NKAIN3: variants seen among roughly 807,000 people sequenced by gnomAD.
The protein encoded by NKAIN3 is sodium/potassium transporting ATPase interacting 3.
In NKAIN3, 25 loss-of-function variants were observed where a neutral mutation model predicts 30.2. The ratio of observed to expected loss-of-function variants is 0.83; its 90% CI spans 0.60 to 1.16. The LOEUF (loss-of-function observed/expected upper bound fraction) is 1.16, where lower values mean the gene tolerates loss of function less well. Among genes scored for constraint, NKAIN3 ranks in the 50% most tolerant of loss-of-function variants. The pLI is 0.00. For synonymous variants in NKAIN3, 91 were observed against 89.6 expected, an observed-to-expected ratio of 1.02 and a Z score of -0.09; for missense variants, 225 against 254.1, an observed-to-expected ratio of 0.89 and a Z score of 0.78.
intron 1 of NKAIN3, chr8:62,483,008 G>T (rs940996805): frequency 2.3e-4 from 35 of 152,156 alleles, no homozygotes; most frequent in African/African-American, 8.0e-4. Flanking sequence ...TACGGGAGAA[G>T]AAAACCCACC....
intron 1 of NKAIN3, among the ~76,000 whole-genome samples, chr8:62,499,545 T>G (rs1430179201): frequency 6.6e-6 from 1 of 152,150 alleles, no homozygotes; most frequent in Non-Finnish European, 1.5e-5. Flanking sequence ...TTGTGTCAAT[T>G]TAGAGGAAAA....
chr8:62,859,991 G>A (rs1205241988), intron 4 of NKAIN3, among the ~76,000 whole-genome samples: 3 of 152,128 alleles, frequency 2.0e-5, no homozygotes, highest in African/African-American at 2.4e-5. Flanking sequence ...ATTTTGAATT[G>A]TGGAGCCAGA....
intron 5 of NKAIN3, among the ~76,000 whole-genome samples, chr8:62,945,160 T>A (rs1343559920): frequency 1.3e-5 from 2 of 152,164 alleles, no homozygotes; most frequent in African/African-American, 4.8e-5. Context: ...ACAAATGAAT[T>A]TTTTAAGTAA....
intron 3 of NKAIN3, among the ~76,000 whole-genome samples, chr8:62,659,519 C>T (rs930771638): frequency 1.7e-4 from 26 of 152,206 alleles, no homozygotes; most frequent in African/African-American, 6.3e-4. Context: ...AGCACCTCTG[C>T]TTTTGCTATC....
intron 4 of NKAIN3, among the ~76,000 whole-genome samples, chr8:62,775,108 G>T (rs1817147830): frequency 6.6e-6 from 1 of 151,906 alleles, no homozygotes; most frequent in South Asian, 2.1e-4. Flanking sequence ...TGTGAATTTG[G>T]GTTTCTTCAT....
At position 62,976,660 on chromosome 8, in the gene NKAIN3, T is replaced by C. The variant is rs1287305603; in HGVS notation, c.*11253T>C. Among the ~76,000 whole-genome samples, 1 of 152,240 alleles carries C rather than the reference T, an allele frequency of 6.6e-6. No individual in the cohort carries two copies. The highest frequency in any genetic ancestry group is 2.4e-5 in the African/African-American group (1 of 41,462). ...CAATTTGCCAGTCTGTGCCTTTTAATTGGGGCATTTAGCCCATTTACATTT... is the reference window on the plus strand; with the variant it reads ...CAATTTGCCAGTCTGTGCCTTTTAACTGGGGCATTTAGCCCATTTACATTT... On this transcript the variant is annotated 3_prime_UTR_variant, in exon 7 of 7. Transcript: ENST00000623646.
intron 3 of NKAIN3, among the ~76,000 whole-genome samples, chr8:62,670,920 C>CAT (rs58361619): frequency 6.8e-6 from 1 of 146,752 alleles, no homozygotes; most frequent in Non-Finnish European, 1.5e-5. Context: ...CACACACACA[C>CAT]GTATACACAG....
chr8:62,570,123 C>G (rs776679333), intron 1 of NKAIN3, among the ~76,000 whole-genome samples: 115 of 152,298 alleles, frequency 7.6e-4, no homozygotes, highest in Non-Finnish European at 1.4e-3. Context: ...AAAGGCAGCT[C>G]ACTTTCCTTA....
chr8:62,347,869 C>T (rs1234336275), intron 1 of NKAIN3, among the ~76,000 whole-genome samples: 3 of 152,072 alleles, frequency 2.0e-5, no homozygotes, highest in Non-Finnish European at 2.9e-5. Context: ...CCAAAGAATA[C>T]ACTTTCAGTT....
chr8:62,503,055 C>T (rs1174384289), intron 1 of NKAIN3, among the ~76,000 whole-genome samples: 1 of 152,202 alleles, frequency 6.6e-6, no homozygotes. Flanking sequence ...AGCATTATCA[C>T]CTGGAGCTCA....
intron 1 of NKAIN3, among the ~76,000 whole-genome samples, chr8:62,452,887 C>T (rs1489988531): frequency 6.6e-6 from 1 of 152,160 alleles, no homozygotes; most frequent in East Asian, 1.9e-4. Flanking sequence ...TGTTAGCTTT[C>T]ATTAGTATTT....
intron 5 of NKAIN3, among the ~76,000 whole-genome samples, chr8:62,937,741 G>T (rs1822832413): frequency 6.6e-6 from 1 of 152,114 alleles, no homozygotes; most frequent in South Asian, 2.1e-4. Context: ...AGCCTCAGCA[G>T]GCAGGGAGGG....
intron 3 of NKAIN3, among the ~76,000 whole-genome samples, chr8:62,607,547 T>C (rs1273382260): frequency 6.6e-6 from 1 of 152,170 alleles, no homozygotes; most frequent in East Asian, 1.9e-4. Flanking sequence ...TCCTGAGGGT[T>C]ATAATCACTT....
chr8:62,517,057 C>T (rs1808014301), intron 1 of NKAIN3, among the ~76,000 whole-genome samples: 1 of 152,036 alleles, frequency 6.6e-6, no homozygotes, highest in South Asian at 2.1e-4. Flanking sequence ...TTAAGTTTTA[C>T]TTTAAAGCTA....
chr8:62,733,725 T>C (rs1483462457), intron 3 of NKAIN3, among the ~76,000 whole-genome samples: 1 of 152,206 alleles, frequency 6.6e-6, no homozygotes, highest in African/African-American at 2.4e-5. Context: ...CAGATGTGTA[T>C]CAAACCTTCT....
intron 1 of NKAIN3, among the ~76,000 whole-genome samples, chr8:62,322,394 A>G (rs185248950): frequency 2.4e-4 from 37 of 152,314 alleles, no homozygotes; most frequent in Non-Finnish European, 4.6e-4. Flanking sequence ...TTGGAAATGT[A>G]GAAATCACCC....
At chr8:62,677,220 G>A (rs746223655) in intron 3 of NKAIN3, among the ~76,000 whole-genome samples, 24 of 152,138 alleles carry the variant, frequency 1.6e-4, no homozygotes, top group African/African-American at 5.8e-4. Context: ...GCAGAGATCT[G>A]AGCGGTGATA....
intron 1 of NKAIN3, among the ~76,000 whole-genome samples, chr8:62,457,478 A>C (rs1164783791): frequency 1.3e-5 from 2 of 152,222 alleles, no homozygotes. Context: ...GAGGGTAAGC[A>C]TGCTGCCTTT....
intron 1 of NKAIN3, among the ~76,000 whole-genome samples, chr8:62,372,904 C>A (rs1816953835): frequency 6.6e-6 from 1 of 151,996 alleles, no homozygotes; most frequent in Admixed American, 6.6e-5. Context: ...ATTATATTTT[C>A]TATTGTTGGT....
Sources: allele counts gnomAD v4.1 joint callset (sites outside exome capture counted in the v4.1 genomes callset), GRCh38; gene constraint gnomAD v4.1.1; transcripts MANE v1.5; gene names NCBI Gene and HGNC (gene_info 2026-07-23, HGNC 2026-07-21).